Variants in FER observed in about 807,000 individuals in gnomAD.
The protein encoded by FER is FER tyrosine kinase, also known as tyrosine-protein kinase Fer.
FER carries 63 observed loss-of-function variants against 111.0 expected under a neutral mutation model. That is an observed-to-expected ratio of 0.57 (90% CI 0.46 to 0.70). The LOEUF (loss-of-function observed/expected upper bound fraction) is 0.70, where lower values mean the gene tolerates loss of function less well. Among genes scored for constraint, FER ranks in the 30% least tolerant of loss-of-function variants. FER has a pLI of 0.00. For missense variants in FER, 914 were observed against 954.0 expected (o/e 0.96, Z 0.55); for synonymous variants, 327 against 313.9 (o/e 1.04, Z -0.44).
chr5:109,089,959 T>C (rs1191229485), intron 16 of FER, among the ~76,000 whole-genome samples: 1 of 152,200 alleles, frequency 6.6e-6, no homozygotes, highest in Non-Finnish European at 1.5e-5. Context: ...AAAGTCTGGC[T>C]TGGCTTAGTG....
intron 17 of FER, among the ~76,000 whole-genome samples, chr5:109,143,787 A>G (rs962476963): frequency 1.3e-5 from 2 of 150,954 alleles, no homozygotes; most frequent in African/African-American, 4.9e-5. Flanking sequence ...CTATCCTCCC[A>G]CTTCAGTCTC....
At chr5:108,922,804 G>A (rs1427561891) in intron 10 of FER, among the ~76,000 whole-genome samples, 3 of 152,108 alleles carry the variant, frequency 2.0e-5, no homozygotes, top group East Asian at 3.8e-4. Flanking sequence ...CAACACTTAA[G>A]TAGAAAAACA....
At chr5:108,811,527 T>C (rs1422638510) in intron 3 of FER, among the ~76,000 whole-genome samples, 1 of 152,210 alleles carries the variant, frequency 6.6e-6, no homozygotes, top group Non-Finnish European at 1.5e-5. Flanking sequence ...CTGTTGTTGG[T>C]TAGAGTGTTC....
chr5:108,930,381 C>CT (rs1754406815), intron 10 of FER, among the ~76,000 whole-genome samples: 1 of 16,964 alleles, frequency 5.9e-5, no homozygotes, highest in African/African-American at 3.4e-4. Context: ...TTTCCCCTCC[C>CT]CTCCCCTTCT....
At chr5:108,886,121 A>C (rs1747111526) in intron 9 of FER, among the ~76,000 whole-genome samples, 1 of 151,794 alleles carries the variant, frequency 6.6e-6, no homozygotes, top group South Asian at 2.1e-4. Flanking sequence ...TTTCACCAGA[A>C]TGTCTGGCTA....
intron 13 of FER, among the ~76,000 whole-genome samples, chr5:109,003,133 C>G (rs367684101): frequency 6.6e-6 from 1 of 152,154 alleles, no homozygotes; most frequent in African/African-American, 2.4e-5. Context: ...ACCCAAAGGA[C>G]TATAAATCAT....
At chr5:109,151,921 G>C (rs1754895345) in intron 17 of FER, among the ~76,000 whole-genome samples, 1 of 152,082 alleles carries the variant, frequency 6.6e-6, no homozygotes, top group African/African-American at 2.4e-5. Flanking sequence ...TCTTTATAGA[G>C]TTATGGTTTA....
intron 16 of FER, among the ~76,000 whole-genome samples, chr5:109,099,246 G>T (rs1448151154): frequency 6.6e-6 from 1 of 151,502 alleles, no homozygotes; most frequent in Non-Finnish European, 1.5e-5. Context: ...TGTTAAGAGT[G>T]AATGCAAAGT....
At chr5:108,916,410 G>A (rs999319874) in intron 10 of FER, among the ~76,000 whole-genome samples, 7 of 152,002 alleles carry the variant, frequency 4.6e-5, no homozygotes, top group Admixed American at 2.6e-4. Context: ...AATGAAATGG[G>A]AAATTTAGAT....
chr5:109,110,519 G>T (rs903258816), intron 17 of FER, among the ~76,000 whole-genome samples: 1 of 152,160 alleles, frequency 6.6e-6, no homozygotes, highest in East Asian at 1.9e-4. Flanking sequence ...TACATGGCCA[G>T]ATCATAAAGT....
At position 108,916,460 on chromosome 5, in the gene FER, C is replaced by A. The variant is rs984549893; in HGVS notation, c.1236+18612C>A. On this transcript the variant is annotated intron_variant, in intron 10 of 19. Coordinates refer to ENST00000281092, the MANE Select transcript of FER (RefSeq NM_005246.4). The stretch of plus-strand genomic sequence containing the variant: ...TTTGGGTACCCCCCCGACCCCCTGC[C>A]AAACAGAAATCTGAAATGTAATTAA... 5.3e-5 allele frequency among the ~76,000 whole-genome samples: 8 copies of A among 152,078 alleles called. No homozygotes were observed. In the East Asian group the frequency reaches 1.5e-3, roughly 29 times the overall value.
chr5:108,952,624 G>C (rs750779209), intron 11 of FER, among the ~76,000 whole-genome samples: 5 of 146,568 alleles, frequency 3.4e-5, no homozygotes, highest in Non-Finnish European at 7.7e-5. Context: ...ATTGAAGTGT[G>C]ATCTTTATGA....
intron 1 of FER, among the ~76,000 whole-genome samples, chr5:108,749,895 A>G (rs1280708908): frequency 1.3e-5 from 2 of 152,210 alleles, no homozygotes; most frequent in Non-Finnish European, 2.9e-5. Flanking sequence ...GGATTGTACT[A>G]TGAGGTGGGC....
chr5:108,921,108 C>T (rs1424846145), intron 10 of FER, among the ~76,000 whole-genome samples: 2 of 152,094 alleles, frequency 1.3e-5, no homozygotes, highest in Non-Finnish European at 2.9e-5. Flanking sequence ...TCTCTGACTA[C>T]TTCAGCTGTA....
chr5:109,057,869 CA>C (rs1205651633), intron 16 of FER, among the ~76,000 whole-genome samples: 2 of 152,168 alleles, frequency 1.3e-5, no homozygotes, highest in African/African-American at 4.8e-5. Context: ...TTTCTAAACT[CA>C]TTATTTGAGG....
intron 10 of FER, among the ~76,000 whole-genome samples, chr5:108,944,875 C>T (rs900042999): frequency 7.9e-6 from 1 of 126,972 alleles, no homozygotes; most frequent in Non-Finnish European, 1.8e-5. Context: ...TAATTGTATC[C>T]TGTCTAACAC....
In FER at chr5:109,006,418, C is replaced by T. The variant is rs975167511; in HGVS notation, c.1657-31004C>T. 3.9e-5 allele frequency among the ~76,000 whole-genome samples: 6 copies of T among 152,092 alleles called. No individual in the cohort carries two copies. The East Asian group carries it at 7.7e-4, about 20-fold the overall frequency. ...CCTCTGCAAGTGTTCTCTTGCCTACCGCCATGTGAGACAAGCCTTTGCTTC... is the reference window on the plus strand; with the variant it reads ...CCTCTGCAAGTGTTCTCTTGCCTACTGCCATGTGAGACAAGCCTTTGCTTC... On this transcript the variant is annotated intron_variant, in intron 13 of 19. Transcript: ENST00000281092.
Position 108,960,944 on chromosome 5 carries a change from T to C in FER, c.1656+1597T>C, listed in dbSNP as rs533836635. Among the ~76,000 whole-genome samples the C allele has an allele frequency of 4.6e-5, 7 of 152,194 alleles. No homozygotes were observed. The South Asian group carries it at 1.5e-3, about 32-fold the overall frequency. On this transcript the variant is annotated intron_variant, in intron 13 of 19. Transcript: ENST00000281092. ...ATCTCTTAAAAATACAAAAGTTAGC[T>C]GGGGGTAGTGGCACATGCCTGTAGT...
rs757756310 is a variant in FER at position 108,867,753 on chromosome 5, T to C, written c.482-14T>C. ...ATCTCTTTACTAACTTTCTTCAGTT[T>C]TTTTTTTTTTCAGGGAAGGAAACTG... On this transcript the variant is annotated splice_polypyrimidine_tract_variant and intron_variant, in intron 5 of 19. Coordinates refer to ENST00000281092, the MANE Select transcript of FER (RefSeq NM_005246.4). 1 of 1,580,966 alleles carries C rather than the reference T, an allele frequency of 6.3e-7. No individual in the cohort carries two copies. The highest frequency in any genetic ancestry group is 8.6e-7 in the Non-Finnish European group (1 of 1,165,700).
Sources: gnomAD v4.1 joint callset for allele counts (sites outside exome capture counted in the v4.1 genomes callset) on GRCh38, gnomAD v4.1.1 for gene constraint, MANE v1.5 for transcripts, NCBI Gene and HGNC (gene_info 2026-07-23, HGNC 2026-07-21) for gene names.